Variants in SYNCRIP observed in about 807,000 individuals in gnomAD.
The protein encoded by SYNCRIP is heterogeneous nuclear ribonucleoprotein Q.
SYNCRIP carries 9 observed loss-of-function variants against 68.9 expected under a neutral mutation model. That is an observed-to-expected ratio of 0.13 (90% CI 0.08 to 0.23). The LOEUF (loss-of-function observed/expected upper bound fraction) is 0.23, where lower values mean the gene tolerates loss of function less well. SYNCRIP is among the 10% of genes least tolerant of loss of function. The pLI, the probability that SYNCRIP is intolerant of heterozygous loss-of-function variation, is 1.00. For synonymous variants in SYNCRIP, 258 were observed against 254.0 expected (o/e 1.02, Z -0.15); for missense variants, 414 against 770.6 (o/e 0.54, Z 5.48).
chr6:85,624,214 T>G (rs1407733806), intron 6 of SYNCRIP, 102 bp from the exon 7 acceptor site: 1 of 1,160,776 alleles, frequency 8.6e-7, no homozygotes, highest in East Asian at 2.4e-5. Context: ...AAAAAGTAGT[T>G]TACCTTAATT....
chr6:85,621,899 A>C lies in SYNCRIP; in HGVS notation c.1008+583T>G, dbSNP rs1374768866. Among the ~76,000 whole-genome samples the C allele has an allele frequency of 2.0e-5, 3 of 148,770 alleles. No homozygotes were observed. In the East Asian group the frequency reaches 5.8e-4, roughly 29 times the overall value. ...TTAAAAAACACACAAAATGGAAGTCAACTGTCTACAGCATGTAGGCGACTT... is the reference window on the plus strand; with the variant it reads ...TTAAAAAACACACAAAATGGAAGTCCACTGTCTACAGCATGTAGGCGACTT... On this transcript the variant is annotated intron_variant, in intron 8 of 10. Coordinates refer to ENST00000369622, the MANE Select transcript of SYNCRIP (RefSeq NM_006372.5).
intron 10 of SYNCRIP, among the ~76,000 whole-genome samples, chr6:85,617,384 T>C (rs1322944473): frequency 6.6e-6 from 1 of 152,172 alleles, no homozygotes; most frequent in Non-Finnish European, 1.5e-5. Flanking sequence ...TAATCTCCTA[T>C]ACTTACATTC....
intron 6 of SYNCRIP, among the ~76,000 whole-genome samples, chr6:85,632,650 A>G (rs916414861): frequency 6.6e-6 from 1 of 152,246 alleles, no homozygotes; most frequent in Non-Finnish European, 1.5e-5. Flanking sequence ...TTAAAAAAAA[A>G]GTAAACAATG....
intron 6 of SYNCRIP, 51 bp downstream of exon 6, chr6:85,636,915 GA>G: frequency 6.6e-7 from 1 of 1,512,278 alleles, no homozygotes; most frequent in Non-Finnish European, 8.9e-7. Context: ...AAAAAAACTT[GA>G]TATTAAAGAC....
chr6:85,626,784 T>C (rs1258824967), intron 6 of SYNCRIP, among the ~76,000 whole-genome samples: 1 of 152,232 alleles, frequency 6.6e-6, no homozygotes, highest in Non-Finnish European at 1.5e-5. Flanking sequence ...TCCATTATTA[T>C]CTACAGAAAC....
intron 4 of SYNCRIP, 56 bp from the exon 5 acceptor site, chr6:85,637,412 T>C (rs752346532): frequency 1.8e-6 from 2 of 1,129,488 alleles, no homozygotes; most frequent in African/African-American, 3.1e-5. Flanking sequence ...CACCCATATA[T>C]TTAGCAGTTA....
intron 8 of SYNCRIP, among the ~76,000 whole-genome samples, chr6:85,621,980 C>G (rs1022349209): frequency 6.7e-6 from 1 of 148,716 alleles, no homozygotes; most frequent in African/African-American, 2.6e-5. Context: ...GCATCAATTT[C>G]TATTTTCACT....
intron 6 of SYNCRIP, among the ~76,000 whole-genome samples, chr6:85,630,004 C>T (rs1010094608): frequency 1.3e-5 from 2 of 150,798 alleles, no homozygotes; most frequent in Non-Finnish European, 2.9e-5. Flanking sequence ...AAGCTGTATA[C>T]ACATCATGAC....
rs1410500937 is a variant in SYNCRIP, at chr6:85,615,232, A to G, written c.1396T>C (p.Tyr466His). The change falls in exon 11 of 11, where the codon TAT becomes CAT. Residue 466 changes from tyrosine (Y) to histidine (H), a missense_variant. Tyr to His is a moderately conservative substitution (Grantham distance 83, BLOSUM62 2). Transcript: ENST00000369622. Reference sequence around the variant, plus strand: ...TAATCATAACCATAATAATCATAATAATCTTCATATCCATAATAATCTGGA... The same window carrying G: ...TAATCATAACCATAATAATCATAATGATCTTCATATCCATAATAATCTGGA... ...YPPDYYGYED[Y>H]YDYYGYDYHN... 1 of 1,608,692 alleles carries G rather than the reference A, an allele frequency of 6.2e-7. No individual in the cohort carries two copies. Among genetic ancestry groups the G allele is most frequent in the Non-Finnish European group, 8.5e-7 (1 of 1,176,230 alleles).
chr6:85,628,690 G>C (rs971855874), intron 6 of SYNCRIP, among the ~76,000 whole-genome samples: 2 of 152,128 alleles, frequency 1.3e-5, no homozygotes, highest in Non-Finnish European at 2.9e-5. Context: ...TGTTACCCTA[G>C]GTTATTTGGC....
intron 7 of SYNCRIP, among the ~76,000 whole-genome samples, chr6:85,623,571 A>AAAAAAAAAAAAAAAAAAAAAAAAAAAAC (rs1562087648): frequency 6.8e-6 from 1 of 147,972 alleles, no homozygotes; most frequent in African/African-American, 2.6e-5. Context: ...CCAAAAAAAA[A>AAAAAAAAAAAAAAAAAAAAAAAAAAAAC]AAAAAAAAAA....
intron 6 of SYNCRIP, among the ~76,000 whole-genome samples, chr6:85,633,911 C>A (rs1808129026): frequency 6.6e-6 from 1 of 152,110 alleles, no homozygotes; most frequent in Admixed American, 6.5e-5. Context: ...TGTGAGCAAC[C>A]ACACCCTGCC....
rs1430502257 is a variant in SYNCRIP, at chr6:85,614,329, T to C, written c.*427A>G. On this transcript the variant is annotated 3_prime_UTR_variant, in exon 11 of 11. Coordinates refer to ENST00000369622, the MANE Select transcript of SYNCRIP (RefSeq NM_006372.5). ...AGTTCTAAATTAAAAATAGCAGTTG[T>C]GTATCAATTTACCTTATTCTAGCAA... 1 of 987,526 alleles carries C rather than the reference T, an allele frequency of 1.0e-6. No individual in the cohort carries two copies. Among genetic ancestry groups the C allele is most frequent in the Non-Finnish European group, 1.2e-6 (1 of 831,244 alleles). The allele number at this position is 987,526 out of a possible 1,614,324, so 61.2% of individuals were successfully genotyped here.
chr6:85,628,744 TACTTA>T (rs1484383876), intron 6 of SYNCRIP, among the ~76,000 whole-genome samples: 8 of 152,226 alleles, frequency 5.3e-5, no homozygotes, highest in Non-Finnish European at 1.2e-4. Context: ...CTAGTGTAAA[TACTTA>T]ACTTTAGTCA....
chr6:85,616,271 C>A (rs569322084), intron 10 of SYNCRIP, among the ~76,000 whole-genome samples: 128 of 152,198 alleles, frequency 8.4e-4, no homozygotes, highest in Middle Eastern at 3.4e-3. Flanking sequence ...GGAAATTAAT[C>A]CCTCTTGAAG....
intron 4 of SYNCRIP, among the ~76,000 whole-genome samples, chr6:85,638,380 C>CAAAAAAAAAAAAAAAAAAAAAA (rs71003001): frequency 2.3e-5 from 1 of 42,848 alleles, no homozygotes; most frequent in Non-Finnish European, 3.9e-5. Context: ...GACCCCATCT[C>CAAAAAAAAAAAAAAAAAAAAAA]AAAAAAAAAA....
At position 85,622,674 on chromosome 6, in the gene SYNCRIP, G is replaced by A. The variant is rs191818514; in HGVS notation, c.816C>T (p.Asp272=). 3.3e-5 allele frequency: 54 copies of A among 1,614,078 alleles called. No homozygotes were observed. Among genetic ancestry groups the A allele is most frequent in the East Asian group, 4.5e-5 (2 of 44,882 alleles). Reference sequence around the variant, plus strand: ...CATCCGGTTGGTGGTATAAAATGACGTCTGTAAGACCCTCTGCAAGTAAGC... The same window carrying A: ...CATCCGGTTGGTGGTATAAAATGACATCTGTAAGACCCTCTGCAAGTAAGC... The part of the protein sequence containing the change: ...EFSKVTEGLT[D]VILYHQPDDK... The change falls in exon 8 of 11, where the codon GAC becomes GAT. Residue 272 remains aspartate (D), a synonymous_variant. Coordinates refer to ENST00000369622, the MANE Select transcript of SYNCRIP (RefSeq NM_006372.5).
At chr6:85,611,914 A>C (rs1315017837), downstream of SYNCRIP, 1 of 152,558 alleles carries the variant, frequency 6.6e-6, no homozygotes, top group Non-Finnish European at 1.5e-5. Context: ...TGTCAGTTTT[A>C]GTCTGACTTT....
At chr6:85,621,876 A>T (rs570197802) in intron 8 of SYNCRIP, among the ~76,000 whole-genome samples, 2 of 148,942 alleles carry the variant, frequency 1.3e-5, no homozygotes, top group South Asian at 4.1e-4. Flanking sequence ...AATTGCTCTT[A>T]AAAAACACAC....
Sources: gnomAD v4.1 joint callset for allele counts (sites outside exome capture counted in the v4.1 genomes callset) on GRCh38, gnomAD v4.1.1 for gene constraint, MANE v1.5 for transcripts, NCBI Gene and HGNC (gene_info 2026-07-23, HGNC 2026-07-21) for gene names.